C5orf52: variants seen among roughly 807,000 people sequenced by gnomAD.
The protein encoded by C5orf52 is uncharacterized protein C5orf52.
C5orf52 carries 15 observed loss-of-function variants against 16.8 expected under a neutral mutation model. That is an observed-to-expected ratio of 0.89 (90% CI 0.60 to 1.38). The LOEUF (loss-of-function observed/expected upper bound fraction) is 1.38, where lower values mean the gene tolerates loss of function less well. Ranked by LOEUF, C5orf52 falls within the 40% of genes most tolerant of loss-of-function variation. The pLI is 0.00. For missense variants in C5orf52, 206 were observed against 213.1 expected (o/e 0.97, Z 0.21); for synonymous variants, 83 against 87.2 (o/e 0.95, Z 0.27).
Position 157,671,740 on chromosome 5 carries a change from C to T in C5orf52, c.126C>T (p.Leu42=). 1.9e-6 allele frequency: 3 copies of T among 1,551,114 alleles called. No homozygotes were observed. Among genetic ancestry groups the T allele is most frequent in the South Asian group, 1.2e-5 (1 of 84,030 alleles). ...GTTCGAACTACCAGCGCGATAGACT[C>T]GGCCGCCGCCCAGAAATCGGCGTAG... ...TSGSNYQRDR[L]GRRPEIGVGG... Residue 42 remains leucine (L), a synonymous_variant, in exon 1 of 3, where the codon CTC becomes CTT. Transcript: ENST00000409999.
chr5:157,680,091 C>G lies in C5orf52; in HGVS notation c.*92C>G. ...TGACACCAGTGTGACCCGAGGAGAA[C>G]TAGTAACTACAACCTACACAACTGT... On this transcript the variant is annotated 3_prime_UTR_variant, in exon 3 of 3. Transcript: ENST00000409999. 1.7e-6 allele frequency: 2 copies of G among 1,152,148 alleles called. No individual in the cohort carries two copies. Among genetic ancestry groups the G allele is most frequent in the Non-Finnish European group, 2.4e-6 (2 of 821,378 alleles). The allele number at this position is 1,152,148 out of a possible 1,614,324, so 71.4% of individuals were successfully genotyped here.
chr5:157,671,881 C>A (rs1759800531), intron 1 of C5orf52, 55 bp downstream of exon 1: 8 of 1,243,516 alleles, frequency 6.4e-6, no homozygotes, highest in Non-Finnish European at 8.8e-6. Flanking sequence ...CGAGGGAACC[C>A]TAACTCTTTG....
intron 1 of C5orf52, among the ~76,000 whole-genome samples, chr5:157,674,613 CA>C (rs1295217698): frequency 6.6e-6 from 1 of 152,096 alleles, no homozygotes; most frequent in Admixed American, 6.6e-5. Flanking sequence ...ACTAAAAGTA[CA>C]AAAATTAGCC....
upstream of C5orf52, among the ~76,000 whole-genome samples, chr5:157,671,072 C>G (rs952911234): frequency 1.3e-5 from 2 of 152,158 alleles, no homozygotes; most frequent in Admixed American, 1.3e-4. Flanking sequence ...AGGAAGCAGC[C>G]GCTCCGGGAA....
chr5:157,672,785 A>C (rs1425334174), intron 1 of C5orf52, among the ~76,000 whole-genome samples: 6 of 152,212 alleles, frequency 3.9e-5, no homozygotes, highest in South Asian at 2.1e-4. Flanking sequence ...CCTCCTGAGT[A>C]GCTGGGATTA....
intron 1 of C5orf52, 99 bp from the exon 2 acceptor site, chr5:157,674,993 C>T (rs1417237021): frequency 3.2e-5 from 22 of 688,546 alleles, no homozygotes; most frequent in South Asian, 7.5e-5. Context: ...CCAAGAAACC[C>T]GGGGAAGCCT....
intron 2 of C5orf52, among the ~76,000 whole-genome samples, chr5:157,676,861 C>CTTTTT (rs61514085): frequency 2.2e-5 from 3 of 134,878 alleles, no homozygotes; most frequent in South Asian, 2.3e-4. Context: ...TTTTAATTTC[C>CTTTTT]TTTTTTTTTC....
intron 2 of C5orf52, among the ~76,000 whole-genome samples, chr5:157,677,669 AG>A (rs1409028500): frequency 0.1 from 14,155 of 136,658 alleles, 1,151 homozygotes; most frequent in African/African-American, 0.23. Context: ...AAAAAAAAAA[AG>A]AAAAGAAAAG....
At chr5:157,671,470 G>T (rs1328831461), upstream of C5orf52, 6 of 648,698 alleles carry the variant, frequency 9.2e-6, no homozygotes, top group East Asian at 1.5e-4. Context: ...CCCCTTCCCC[G>T]CAGCCAATAT....
In C5orf52 at chr5:157,671,655, G is replaced by T; in HGVS notation, c.41G>T (p.Gly14Val). Residue 14 changes from glycine (G) to valine (V), a missense_variant, in exon 1 of 3, where the codon GGA becomes GTA. Transcript: ENST00000409999. ...PTRPSVTCDQ[G>V]SSTIGGTAAQ... ...AGGCCCTCGGTCACCTGTGACCAGGGATCCTCCACGATCGGCGGGACCGCC... is the reference window on the plus strand; with the variant it reads ...AGGCCCTCGGTCACCTGTGACCAGGTATCCTCCACGATCGGCGGGACCGCC... 2 of 1,551,426 alleles carry T rather than the reference G, an allele frequency of 1.3e-6. No homozygotes were observed. The highest frequency in any genetic ancestry group is 8.7e-7 in the Non-Finnish European group (1 of 1,146,874).
intron 2 of C5orf52, among the ~76,000 whole-genome samples, chr5:157,675,723 C>CA (rs1308898729): frequency 6.6e-6 from 1 of 152,074 alleles, no homozygotes; most frequent in Non-Finnish European, 1.5e-5. Context: ...AACAAACAAA[C>CA]AAAAAAACAG....
At chr5:157,671,941 A>G (rs114807141) in intron 1 of C5orf52, 115 bp downstream of exon 1, 54,535 of 658,734 alleles carry the variant, frequency 0.083, 2,514 homozygotes, top group African/African-American at 0.13. Flanking sequence ...ACACCCCAGG[A>G]TAGTCGATTT....
intron 2 of C5orf52, among the ~76,000 whole-genome samples, chr5:157,677,309 A>C (rs1352824804): frequency 6.6e-6 from 1 of 152,148 alleles, no homozygotes; most frequent in Non-Finnish European, 1.5e-5. Context: ...GATTGGTAAG[A>C]GTCATGCTCA....
chr5:157,676,956 C>T (rs1299982899), intron 2 of C5orf52, among the ~76,000 whole-genome samples: 1 of 150,306 alleles, frequency 6.7e-6, no homozygotes, highest in East Asian at 2.0e-4. Flanking sequence ...GTAGCCTCAA[C>T]CTCCTGAGTT....
intron 1 of C5orf52, 59 bp downstream of exon 1, chr5:157,671,885 C>G: frequency 8.7e-7 from 1 of 1,148,190 alleles, no homozygotes; most frequent in Non-Finnish European, 1.2e-6. Flanking sequence ...GGAACCCTAA[C>G]TCTTTGGGAC....
chr5:157,674,986 A>G (rs952126044), intron 1 of C5orf52, 106 bp from the exon 2 acceptor site: 1 of 666,448 alleles, frequency 1.5e-6, no homozygotes. Context: ...ACTTGTCCCA[A>G]GAAACCCGGG....
Position 157,680,139 on chromosome 5 carries a change from A to C in C5orf52, c.*140A>C, listed in dbSNP as rs989473895. ...TGTAGAACAATAAACAGAAACCAGC[A>C]GACAGCGGAGCATAATAAATCCTCA... is the stretch of plus-strand genomic sequence containing the variant. On this transcript the variant is annotated 3_prime_UTR_variant, in exon 3 of 3. Coordinates refer to ENST00000409999, the MANE Select transcript of C5orf52 (RefSeq NM_001145132.2). The C allele has an allele frequency of 5.3e-6, 4 of 753,714 alleles. No individual in the cohort carries two copies. The highest frequency in any genetic ancestry group is 8.5e-6 in the Non-Finnish European group (4 of 469,158). 46.7% of individuals were successfully genotyped at this position (753,714 alleles called of 1,614,324 possible).
In C5orf52 at chr5:157,680,057, G is replaced by A. The variant is rs1759978005; in HGVS notation, c.*58G>A. 3 of 1,491,216 alleles carry A rather than the reference G, an allele frequency of 2.0e-6. No individual in the cohort carries two copies. In the Admixed American group the frequency reaches 6.6e-5, roughly 33 times the overall value. The allele number at this position is 1,491,216 out of a possible 1,614,324, so 92.4% of individuals were successfully genotyped here. ...AGTTCTGGCAAAGGGATCTGCCCCA[G>A]GGTCACGATGACACCAGTGTGACCC... On this transcript the variant is annotated 3_prime_UTR_variant, in exon 3 of 3. Transcript: ENST00000409999.
At chr5:157,675,009 A>T in intron 1 of C5orf52, 83 bp from the exon 2 acceptor site, 1 of 810,008 alleles carries the variant, frequency 1.2e-6, no homozygotes, top group African/African-American at 1.8e-5. Context: ...AGCCTCAGCC[A>T]CTCCCTCAGG....
Sources: gnomAD v4.1 joint callset for allele counts (sites outside exome capture counted in the v4.1 genomes callset) on GRCh38, gnomAD v4.1.1 for gene constraint, MANE v1.5 for transcripts, NCBI Gene and HGNC (gene_info 2026-07-23, HGNC 2026-07-21) for gene names.